TRIM5: variants seen among roughly 807,000 people sequenced by gnomAD.
The protein encoded by TRIM5 is tripartite motif-containing protein 5.
Under a neutral mutation model 35.6 loss-of-function variants are expected in TRIM5, and 31 were observed. That is an observed-to-expected ratio of 0.87 (90% confidence interval 0.65 to 1.18). The LOEUF (loss-of-function observed/expected upper bound fraction) is 1.18. Among genes scored for constraint, TRIM5 ranks in the 50% most tolerant of loss-of-function variants. The pLI is 0.00. For missense variants in TRIM5, 609 were observed against 591.6 expected, an observed-to-expected ratio of 1.03 and a Z score of -0.31; for synonymous variants, 243 against 215.6, an observed-to-expected ratio of 1.13 and a Z score of -1.11.
chr11:5,612,049 G>C, the TRIM5 span: 6 of 152,050 alleles, frequency 3.9e-5, no homozygotes, highest in African/African-American at 1.4e-4. Flanking sequence ...ATGTGGCTTA[G>C]TACATTGATT....
chr11:5,656,705 A>G, the TRIM5 span, among the ~76,000 whole-genome samples: 6 of 152,000 alleles, frequency 3.9e-5, no homozygotes, highest in African/African-American at 1.5e-4. Flanking sequence ...CAAACATTTG[A>G]AAAAAAACCC....
At chr11:5,638,279 CA>C in the TRIM5 span, among the ~76,000 whole-genome samples, 1 of 152,228 alleles carries the variant, frequency 6.6e-6, no homozygotes, top group East Asian at 1.9e-4. Flanking sequence ...AGAATACAGT[CA>C]AAATATAGGG....
At chr11:5,604,190 G>T in the TRIM5 span, among the ~76,000 whole-genome samples, 1 of 151,828 alleles carries the variant, frequency 6.6e-6, no homozygotes, top group Non-Finnish European at 1.5e-5. Flanking sequence ...GTGTGTGTGT[G>T]TTTAGTAGAG....
the TRIM5 span, among the ~76,000 whole-genome samples, chr11:5,594,038 A>G: frequency 6.6e-6 from 1 of 152,204 alleles, no homozygotes; most frequent in Non-Finnish European, 1.5e-5. Context: ...ACTGCTATGG[A>G]CATTTGTGTA....
At position 5,676,735 on chromosome 11, in the gene TRIM5, G is replaced by A. The variant is rs1412237946; in HGVS notation, c.744+1469C>T. Among the ~76,000 whole-genome samples the A allele has an allele frequency of 4.7e-5, 7 of 149,670 alleles. No individual in the cohort carries two copies. In the Admixed American group the frequency reaches 4.7e-4, roughly 10 times the overall value. On this transcript the variant is annotated intron_variant, in intron 4 of 7. Transcript: ENST00000380034. ...AGGCTACAGTAACCAAAACAGCATG[G>A]TACTGGTACCAAAACAGAGATATAG... is the stretch of plus-strand genomic sequence containing the variant.
chr11:5,675,595 T>G (rs1050064572), intron 4 of TRIM5, among the ~76,000 whole-genome samples: 32 of 151,712 alleles, frequency 2.1e-4, no homozygotes, highest in Admixed American at 5.9e-4. Flanking sequence ...AGCTGAGGCA[T>G]TTCTCCATCA....
chr11:5,627,935 TAGG>T, the TRIM5 span, among the ~76,000 whole-genome samples: 1 of 152,204 alleles, frequency 6.6e-6, no homozygotes, highest in East Asian at 1.9e-4. Flanking sequence ...ATCCAGATGT[TAGG>T]AGTCCAGATG....
At chr11:5,655,625 C>T in the TRIM5 span, 1 of 984,934 alleles carries the variant, frequency 1.0e-6, no homozygotes, top group Non-Finnish European at 1.2e-6. Context: ...TGAAGATTGC[C>T]ATGCTCCTCA....
chr11:5,594,715 C>T, the TRIM5 span, among the ~76,000 whole-genome samples: 1 of 152,040 alleles, frequency 6.6e-6, no homozygotes, highest in Non-Finnish European at 1.5e-5. Context: ...TAGAAAATGG[C>T]CTGAGAAGGG....
chr11:5,672,271 G>A (rs900902349), intron 4 of TRIM5, among the ~76,000 whole-genome samples: 1 of 152,214 alleles, frequency 6.6e-6, no homozygotes, highest in Admixed American at 6.5e-5. Flanking sequence ...CAGTGCAGTG[G>A]TGCCATCTCG....
the TRIM5 span, chr11:5,655,662 A>C: frequency 1.0e-6 from 1 of 985,416 alleles, no homozygotes; most frequent in Non-Finnish European, 1.2e-6. Flanking sequence ...AATGTTATGG[A>C]GGCTTCATCG....
At chr11:5,629,935 T>C in the TRIM5 span, among the ~76,000 whole-genome samples, 1 of 152,136 alleles carries the variant, frequency 6.6e-6, no homozygotes, top group East Asian at 1.9e-4. Context: ...CTTGATCTCC[T>C]TACCTCGTGA....
chr11:5,649,743 T>C, the TRIM5 span, among the ~76,000 whole-genome samples: 1 of 152,182 alleles, frequency 6.6e-6, no homozygotes, highest in Non-Finnish European at 1.5e-5. Context: ...AGTGGAGCAC[T>C]AGGAATAGTA....
chr11:5,645,666 G>GA, the TRIM5 span: 1 of 158,832 alleles, frequency 6.3e-6, no homozygotes, highest in Non-Finnish European at 1.4e-5. Flanking sequence ...CAATCAGGAA[G>GA]AAAAAAAGAC....
the TRIM5 span, chr11:5,605,370 A>C: frequency 6.2e-6 from 10 of 1,614,084 alleles, no homozygotes; most frequent in Non-Finnish European, 8.5e-6. Context: ...CAGGATCCAG[A>C]CAGAGTTTAA....
At chr11:5,624,929 G>C in the TRIM5 span, 1 of 152,278 alleles carries the variant, frequency 6.6e-6, no homozygotes, top group African/African-American at 2.4e-5. Context: ...TCATTTCTCA[G>C]GCAGTTCCTC....
chr11:5,646,765 A>G, the TRIM5 span, among the ~76,000 whole-genome samples: 1 of 152,194 alleles, frequency 6.6e-6, no homozygotes, highest in African/African-American at 2.4e-5. Flanking sequence ...CAGACCCTTG[A>G]CCCTAGAACC....
At chr11:5,611,868 A>G in the TRIM5 span, 2 of 152,890 alleles carry the variant, frequency 1.3e-5, no homozygotes, top group African/African-American at 2.4e-5. Flanking sequence ...GTATTTTGCC[A>G]TTAAGCATAG....
At chr11:5,634,488 T>C in the TRIM5 span, 3 of 418,790 alleles carry the variant, frequency 7.2e-6, no homozygotes, top group Non-Finnish European at 7.0e-6. Flanking sequence ...ACAGATAATA[T>C]AAATACACAC....
Sources: allele counts gnomAD v4.1 joint callset (sites outside exome capture counted in the v4.1 genomes callset), GRCh38; gene constraint gnomAD v4.1.1; transcripts MANE v1.5; gene names NCBI Gene and HGNC (gene_info 2026-07-23, HGNC 2026-07-21).